WAPL: variants seen among roughly 807,000 people sequenced by gnomAD.
The protein encoded by WAPL is wings apart-like protein homolog.
Under a neutral mutation model 121.0 loss-of-function variants are expected in WAPL, and 5 were observed. The ratio of observed to expected loss-of-function variants is 0.04; its 90% CI spans 0.02 to 0.09. The LOEUF (loss-of-function observed/expected upper bound fraction) is 0.09. Ranked by LOEUF, WAPL falls within the 10% of genes least tolerant of loss-of-function variation. The pLI is 1.00. For missense variants in WAPL, 999 were observed against 1,410.8 expected (o/e 0.71, Z 4.68); for synonymous variants, 480 against 481.5 (o/e 1.00, Z 0.04).
chr10:86,486,636 G>C (rs950830400), intron 4 of WAPL, among the ~76,000 whole-genome samples: 2 of 152,124 alleles, frequency 1.3e-5, no homozygotes, highest in Admixed American at 1.3e-4. Flanking sequence ...GAAGGGCCTA[G>C]CTTTAAACCA....
At chr10:86,520,547 T>C (rs1012449819) in intron 1 of WAPL, among the ~76,000 whole-genome samples, 6 of 152,108 alleles carry the variant, frequency 3.9e-5, no homozygotes, top group Admixed American at 3.9e-4. Context: ...GCAATGGCAT[T>C]ATCTAAGCGT....
chr10:86,472,073 T>C lies in WAPL; in HGVS notation c.2030+135A>G, dbSNP rs1023838465. The C allele has an allele frequency of 4.1e-6, 3 of 735,110 alleles. No homozygotes were observed. In the African/African-American group the frequency reaches 5.6e-5, roughly 14 times the overall value. The allele number at this position is 735,110 out of a possible 1,614,324, so 45.5% of individuals were successfully genotyped here. On this transcript the variant is annotated intron_variant, in intron 7 of 18. Transcript: ENST00000298767. The surrounding 1 kb of genome is among the most constrained non-coding windows in gnomAD (Gnocchi z 4.2). ...ATTCTTTATAAAGAAATGGATAGCATTTTAACATATCACTGGCTATACATA... is the reference window on the plus strand; with the variant it reads ...ATTCTTTATAAAGAAATGGATAGCACTTTAACATATCACTGGCTATACATA...
In WAPL at chr10:86,501,204, T is replaced by C. The variant is rs188694890; in HGVS notation, c.500-461A>G. 7.5e-3 allele frequency among the ~76,000 whole-genome samples: 1,147 copies of C among 152,352 alleles called. 8 individuals carry two copies. The highest frequency in any genetic ancestry group is 0.013 in the Admixed American group (193 of 15,302). ...CTGCCCATAAGGTATGCTAGTTCTA[T>C]CCAGAAACCTGTCCATAGGATCAGG... On this transcript the variant is annotated intron_variant, in intron 2 of 18. Transcript: ENST00000298767.
At chr10:86,483,797 T>TAA (rs1564577606) in intron 4 of WAPL, among the ~76,000 whole-genome samples, 4 of 14,292 alleles carry the variant, frequency 2.8e-4, no homozygotes, top group African/African-American at 7.8e-4. Flanking sequence ...TTTTTTTCTT[T>TAA]TTTTTTTTTT....
intron 2 of WAPL, 58 bp downstream of exon 2, chr10:86,517,513 T>C: frequency 1.3e-6 from 2 of 1,516,798 alleles, no homozygotes; most frequent in African/African-American, 1.4e-5. Flanking sequence ...TTAAATCATT[T>C]AAATAAATTG....
At chr10:86,490,283 G>A (rs1420404275) in intron 4 of WAPL, among the ~76,000 whole-genome samples, 3 of 151,514 alleles carry the variant, frequency 2.0e-5, no homozygotes, top group Non-Finnish European at 4.4e-5. Flanking sequence ...CAGTCCCATA[G>A]CTCTTTTTGT....
chr10:86,493,774 G>C (rs912810768), intron 4 of WAPL, among the ~76,000 whole-genome samples: 3 of 152,042 alleles, frequency 2.0e-5, no homozygotes, highest in African/African-American at 7.3e-5. Flanking sequence ...GGCCAAAGCA[G>C]GTGGATCACC....
chr10:86,479,869 T>C (rs961981925), intron 4 of WAPL, among the ~76,000 whole-genome samples: 2 of 152,194 alleles, frequency 1.3e-5, no homozygotes, highest in Non-Finnish European at 2.9e-5. Flanking sequence ...AAAGGATTTA[T>C]AAAAATCCTT....
chr10:86,514,617 T>C (rs924888660), intron 2 of WAPL, among the ~76,000 whole-genome samples: 2 of 152,158 alleles, frequency 1.3e-5, no homozygotes, highest in African/African-American at 4.8e-5. Context: ...GTATCAGCAT[T>C]AGAACTACAT....
chr10:86,513,041 G>A (rs573825923), intron 2 of WAPL, among the ~76,000 whole-genome samples: 1 of 152,136 alleles, frequency 6.6e-6, no homozygotes, highest in South Asian at 2.1e-4. Context: ...TAGGTTTTGC[G>A]GGGTTTTTTT....
At chr10:86,492,494 T>C (rs1366737261) in intron 4 of WAPL, among the ~76,000 whole-genome samples, 1 of 152,172 alleles carries the variant, frequency 6.6e-6, no homozygotes, top group Non-Finnish European at 1.5e-5. Flanking sequence ...GATCACAACC[T>C]TAACTAGGTG....
chr10:86,490,733 T>C (rs1842028912), intron 4 of WAPL, among the ~76,000 whole-genome samples: 1 of 152,166 alleles, frequency 6.6e-6, no homozygotes, highest in African/African-American at 2.4e-5. Flanking sequence ...ATATGTATGC[T>C]GTAGGATAAA....
At chr10:86,509,167 A>C (rs1842409135) in intron 2 of WAPL, among the ~76,000 whole-genome samples, 1 of 152,220 alleles carries the variant, frequency 6.6e-6, no homozygotes, top group Admixed American at 6.5e-5. Context: ...AATTGTCTCT[A>C]ATCAAGGCTT....
At chr10:86,487,040 A>C (rs191034543) in intron 4 of WAPL, among the ~76,000 whole-genome samples, 2 of 152,262 alleles carry the variant, frequency 1.3e-5, no homozygotes, top group Non-Finnish European at 2.9e-5. Flanking sequence ...TCAATGACCC[A>C]GCAGCAGTCT....
chr10:86,477,098 T>C (rs924802481), intron 4 of WAPL, among the ~76,000 whole-genome samples: 3 of 152,136 alleles, frequency 2.0e-5, no homozygotes, highest in Non-Finnish European at 4.4e-5. Flanking sequence ...TAATATAGGG[T>C]TTATTATGGG....
At chr10:86,454,587 C>T (rs1224438040) in intron 12 of WAPL, among the ~76,000 whole-genome samples, 1 of 152,262 alleles carries the variant, frequency 6.6e-6, no homozygotes, top group Admixed American at 6.5e-5. Flanking sequence ...TCGCTACAAC[C>T]TCCACCTCCC....
rs868217481 is a variant in WAPL at position 86,467,678 on chromosome 10, T to A, written c.2143-172A>T. 1.5e-3 allele frequency among the ~76,000 whole-genome samples: 212 copies of A among 144,780 alleles called. 2 individuals are homozygous for A. Among genetic ancestry groups the A allele is most frequent in the East Asian group, 2.9e-3 (15 of 5,088 alleles). 95.0% of individuals were successfully genotyped at this position (144,780 alleles called of 152,430 possible). A position where few individuals can be genotyped will look rare whatever the true frequency, so the allele number is the denominator to read the frequency against. The stretch of plus-strand genomic sequence containing the variant: ...TTATTCAGCGGTCCCTCTAAAAAAT[T>A]TTTTTTTTTTTTTTTTGAGATGGAG... On this transcript the variant is annotated intron_variant, in intron 8 of 18. Coordinates refer to ENST00000298767, the MANE Select transcript of WAPL (RefSeq NM_015045.5).
At chr10:86,491,928 A>C (rs1454388614) in intron 4 of WAPL, among the ~76,000 whole-genome samples, 1 of 152,158 alleles carries the variant, frequency 6.6e-6, no homozygotes, top group Non-Finnish European at 1.5e-5. Context: ...CTATATTATT[A>C]ACTACAGGTC....
chr10:86,494,104 C>G lies in WAPL; in HGVS notation c.1644+3097G>C, dbSNP rs375815630. Among the ~76,000 whole-genome samples the G allele has an allele frequency of 3.3e-5, 5 of 152,016 alleles. No individual in the cohort carries two copies. In the South Asian group the frequency reaches 6.2e-4, roughly 19 times the overall value. On this transcript the variant is annotated intron_variant, in intron 4 of 18. Transcript: ENST00000298767. Reference sequence around the variant, plus strand: ...GGGTAAAACTGCTGGTGCCTTAGCACAAATAAAGGTAGGACTTCTAACTGC... The same window carrying G: ...GGGTAAAACTGCTGGTGCCTTAGCAGAAATAAAGGTAGGACTTCTAACTGC...
Sources: gnomAD v4.1 joint callset for allele counts (sites outside exome capture counted in the v4.1 genomes callset) on GRCh38, gnomAD v4.1.1 for gene constraint, Gnocchi (gnomAD v3.1) non-coding constraint, MANE v1.5 for transcripts, NCBI Gene and HGNC (gene_info 2026-07-23, HGNC 2026-07-21) for gene names.